The following RNF212 variants were observed in gnomAD, a reference collection of about 807,000 sequenced individuals.
The protein encoded by RNF212 is ring finger protein 212.
Under a neutral mutation model 34.7 loss-of-function variants are expected in RNF212, and 33 were observed. The observed-to-expected ratio is 0.95, with a 90% CI of 0.72 to 1.27. The LOEUF is 1.27. RNF212 is among the 50% of genes most tolerant of loss of function. The pLI is 0.00. For missense variants in RNF212, 377 were observed against 362.2 expected (o/e 1.04, Z -0.33); for synonymous variants, 140 against 136.1 (o/e 1.03, Z -0.20).
At chr4:1,064,298 G>A (rs1368679466) in intron 3 of RNF212, among the ~76,000 whole-genome samples, 2 of 152,160 alleles carry the variant, frequency 1.3e-5, no homozygotes, top group Non-Finnish European at 2.9e-5. Context: ...GAATTCAGTC[G>A]GTGTTCACCT....
chr4:1,105,908 G>A (rs1271221713), intron 2 of RNF212, among the ~76,000 whole-genome samples: 3 of 152,206 alleles, frequency 2.0e-5, no homozygotes, highest in African/African-American at 7.2e-5. Flanking sequence ...TGAGGCGGAC[G>A]AAGACCCTGG....
At chr4:1,067,258 T>C (rs1380526469), downstream of RNF212, among the ~76,000 whole-genome samples, 7 of 152,282 alleles carry the variant, frequency 4.6e-5, no homozygotes, top group Middle Eastern at 6.8e-3. Flanking sequence ...AAAATATTTA[T>C]TGCAAACAAA....
intron 2 of RNF212, among the ~76,000 whole-genome samples, chr4:1,102,283 G>A (rs1246647696): frequency 6.6e-6 from 1 of 152,176 alleles, no homozygotes; most frequent in East Asian, 1.9e-4. Context: ...GTATATGAGG[G>A]TAAATTGGTT....
chr4:1,080,678 C>T (rs910863543), intron 7 of RNF212, among the ~76,000 whole-genome samples: 25 of 150,584 alleles, frequency 1.7e-4, no homozygotes, highest in African/African-American at 5.3e-4. Flanking sequence ...TGCTGGCCCA[C>T]GAGACCCCTC....
chr4:1,057,425 G>A (rs181106844), intron 4 of RNF212, among the ~76,000 whole-genome samples: 11 of 152,312 alleles, frequency 7.2e-5, no homozygotes, highest in Non-Finnish European at 1.2e-4. Flanking sequence ...TGCAGCAGAC[G>A]GAGTGGGAGG....
Position 1,072,909 on chromosome 4 carries a change from G to A in RNF212, c.859C>T (p.Pro287Ser), listed in dbSNP as rs1197716464. ...TTTTTCCTTTCAAATTGGCAAAGAGGAAACACAACAGACACAGCGGGTGTT... is the reference window on the plus strand; with the variant it reads ...TTTTTCCTTTCAAATTGGCAAAGAGAAAACACAACAGACACAGCGGGTGTT... ...FRTPAVSVVF[P>S]LCQFERKKSF Residue 287 changes from proline to serine, a missense_variant, in exon 10 of 10, where the codon CCT becomes TCT. Transcript: ENST00000433731. 1.2e-6 allele frequency: 2 copies of A among 1,613,148 alleles called. No homozygotes were observed. The highest frequency in any genetic ancestry group is 2.2e-5 in the South Asian group (2 of 90,976).
chr4:1,063,221 T>G (rs912189120), intron 3 of RNF212, among the ~76,000 whole-genome samples: 11 of 152,172 alleles, frequency 7.2e-5, no homozygotes, highest in Non-Finnish European at 1.5e-5. Flanking sequence ...AAAATTCATA[T>G]GGAAATGCAA....
At chr4:1,105,698 G>A (rs1319183431) in intron 2 of RNF212, among the ~76,000 whole-genome samples, 6 of 152,350 alleles carry the variant, frequency 3.9e-5, no homozygotes, top group East Asian at 3.9e-4. Context: ...GCTCACACAC[G>A]GATGCACCCA....
chr4:1,093,280 A>C, intron 3 of RNF212: 1 of 714,688 alleles, frequency 1.4e-6, no homozygotes, highest in Non-Finnish European at 2.0e-6. Context: ...ATCTGTTGGT[A>C]TTTACCCTAT....
At chr4:1,081,648 TA>T (rs775009326) in intron 5 of RNF212, 29 bp from the exon 6 acceptor site, 2 of 1,540,612 alleles carry the variant, frequency 1.3e-6, no homozygotes, top group Non-Finnish European at 1.8e-6. Context: ...GGTATTGAAT[TA>T]AATCATAAAA....
At chr4:1,075,735 G>A (rs1030870457) in intron 8 of RNF212, among the ~76,000 whole-genome samples, 1 of 152,162 alleles carries the variant, frequency 6.6e-6, no homozygotes, top group African/African-American at 2.4e-5. Flanking sequence ...GTGCAGTGGG[G>A]CAGTCACTCA....
At chr4:1,090,706 G>T in intron 4 of RNF212, 76 bp downstream of exon 4, 1 of 814,156 alleles carries the variant, frequency 1.2e-6, no homozygotes, top group Non-Finnish European at 2.2e-6. Context: ...TTGAGAGCAA[G>T]GTGTTAATTA....
chr4:1,069,807 G>C (rs777963191), downstream of RNF212, among the ~76,000 whole-genome samples: 3 of 152,196 alleles, frequency 2.0e-5, no homozygotes, highest in Non-Finnish European at 2.9e-5. Flanking sequence ...TTGAGGACAA[G>C]AAAAAGAAGT....
intron 1 of RNF212, among the ~76,000 whole-genome samples, chr4:1,111,907 A>T (rs564100509): frequency 6.6e-6 from 1 of 152,366 alleles, no homozygotes; most frequent in South Asian, 2.1e-4. Flanking sequence ...CACAACAATG[A>T]AAGTAGATGA....
downstream of RNF212, among the ~76,000 whole-genome samples, chr4:1,068,697 G>A (rs1331207408): frequency 6.6e-6 from 1 of 152,174 alleles, no homozygotes; most frequent in Non-Finnish European, 1.5e-5. Flanking sequence ...TGACTGTGTG[G>A]CATCAACCTA....
At chr4:1,101,954 T>TA in intron 2 of RNF212, among the ~76,000 whole-genome samples, 1 of 152,288 alleles carries the variant, frequency 6.6e-6, no homozygotes, top group South Asian at 2.1e-4. Context: ...TGCAAATACT[T>TA]AAAAATGAAT....
intron 1 of RNF212, among the ~76,000 whole-genome samples, chr4:1,112,191 A>G (rs1725787244): frequency 6.6e-6 from 1 of 152,204 alleles, no homozygotes; most frequent in Non-Finnish European, 1.5e-5. Flanking sequence ...TGGGCGACAA[A>G]GCTGAGCTCT....
intron 4 of RNF212, chr4:1,058,193 G>A (rs1174945457): frequency 3.9e-5 from 7 of 177,408 alleles, no homozygotes; most frequent in Non-Finnish European, 5.2e-5. Flanking sequence ...ATGATGAGCA[G>A]TTTTATTTTG....
In RNF212 at chr4:1,072,844, CAG is replaced by C. The variant is rs1718653823; in HGVS notation, c.*28_*29del. On this transcript the variant is annotated 3_prime_UTR_variant, in exon 10 of 10. Transcript: ENST00000433731. The stretch of plus-strand genomic sequence containing the variant: ...CACAGAGGAATAAATTGAAAACACT[CAG>C]AATCATTAATAGTCACATAAATGCA... 6.5e-7 allele frequency: 1 copy of C among 1,541,704 alleles called. No homozygotes were observed. Among genetic ancestry groups the C allele is most frequent in the Non-Finnish European group, 8.8e-7 (1 of 1,140,804 alleles).
Sources: gnomAD v4.1 joint callset for allele counts (sites outside exome capture counted in the v4.1 genomes callset) on GRCh38, gnomAD v4.1.1 for gene constraint, MANE v1.5 for transcripts, NCBI Gene and HGNC (gene_info 2026-07-23, HGNC 2026-07-21) for gene names.